Variants in CTBP2 observed in about 807,000 individuals in gnomAD.
CTBP2 encodes the protein C-terminal binding protein 2.
In CTBP2, 30 loss-of-function variants were observed where a neutral mutation model predicts 80.3. The observed-to-expected ratio is 0.37, with a 90% CI of 0.28 to 0.51. The LOEUF is 0.51. CTBP2 is among the 20% of genes least tolerant of loss of function. The pLI is 0.93. For missense variants in CTBP2, 1,212 were observed against 1,375.3 expected (o/e 0.88, Z 1.88); for synonymous variants, 594 against 587.4 (o/e 1.01, Z -0.16).
chr10:125,133,658 T>C (rs1412018981), intron 1 of CTBP2: 3 of 152,212 alleles, frequency 2.0e-5, no homozygotes, highest in African/African-American at 7.2e-5. Flanking sequence ...TAGAACGCAT[T>C]TGAACACAAC....
chr10:125,141,814 G>A (rs898424897), intron 1 of CTBP2, among the ~76,000 whole-genome samples: 1 of 152,192 alleles, frequency 6.6e-6, no homozygotes, highest in African/African-American at 2.4e-5. Flanking sequence ...AGTACACAGT[G>A]AGCACGCGGC....
At chr10:125,002,453 C>T (rs920431045) in intron 3 of CTBP2, among the ~76,000 whole-genome samples, 5 of 152,224 alleles carry the variant, frequency 3.3e-5, no homozygotes, top group Non-Finnish European at 7.3e-5. Context: ...CTGTGTTGGG[C>T]AGGGGCCCAC....
chr10:124,990,299 T>TAA (rs2134061437), intron 8 of CTBP2, among the ~76,000 whole-genome samples: 1 of 152,230 alleles, frequency 6.6e-6, no homozygotes, highest in East Asian at 1.9e-4. Context: ...CGCCTCAGCC[T>TAA]CCCAAAGTGC....
chr10:125,101,376 G>A (rs948720199), intron 2 of CTBP2, among the ~76,000 whole-genome samples: 7 of 152,256 alleles, frequency 4.6e-5, no homozygotes, highest in African/African-American at 7.2e-5. Context: ...GTAGAGACAT[G>A]TTCCCAGGGA....
intron 1 of CTBP2, among the ~76,000 whole-genome samples, chr10:125,017,511 C>A (rs1308166228): frequency 1.3e-5 from 2 of 152,222 alleles, no homozygotes; most frequent in East Asian, 3.8e-4. Context: ...CCTCCCTCAC[C>A]TTTTCCTACA....
chr10:124,993,084 T>G lies in CTBP2; in HGVS notation c.2659+118A>C, dbSNP rs113197376. On this transcript the variant is annotated intron_variant, in intron 7 of 8. Transcript: ENST00000309035. ...ATAAACAGGGCCCAACTCATATAAA[T>G]TTGATGCTAAAAGTGAATTCTACCT... The G allele has an allele frequency of 1.4e-5, 18 of 1,297,906 alleles. No individual in the cohort carries two copies. The African/African-American group carries it at 2.1e-4, about 15-fold the overall frequency. The allele number at this position is 1,297,906 out of a possible 1,614,324, so 80.4% of individuals were successfully genotyped here. A position where few individuals can be genotyped will look rare whatever the true frequency, so the allele number is the denominator to read the frequency against.
At chr10:125,022,305 G>A (rs915119528) in intron 1 of CTBP2, among the ~76,000 whole-genome samples, 5 of 152,362 alleles carry the variant, frequency 3.3e-5, no homozygotes, top group African/African-American at 9.6e-5. Flanking sequence ...GCTATACATA[G>A]TCACAGTTAA....
At chr10:125,096,211 GC>G (rs1054194515) in intron 2 of CTBP2, among the ~76,000 whole-genome samples, 5 of 152,184 alleles carry the variant, frequency 3.3e-5, no homozygotes, top group African/African-American at 1.2e-4. Flanking sequence ...CAATTATGTA[GC>G]CCCACTATTA....
chr10:125,003,041 C>G lies in CTBP2; in HGVS notation c.1897G>C (p.Glu633Gln). 2 of 1,614,100 alleles carry G rather than the reference C, an allele frequency of 1.2e-6. No homozygotes were observed. Among genetic ancestry groups the G allele is most frequent in the Non-Finnish European group, 8.5e-7 (1 of 1,180,012 alleles). The change falls in exon 3 of 9, where the codon GAG becomes CAG. Residue 633 changes from glutamate to glutamine, a missense_variant. Glu to Gln is a conservative substitution (Grantham distance 29, BLOSUM62 2). This residue lies in a region of CTBP2 where 335 missense variants were observed against 504.7 expected (regional missense o/e 0.66). Transcript: ENST00000309035. ...ATCACTCTCAGGGCCTTGAACTTCTCCAGGTCCTCCCTGGTGAGGGTGATG... is the reference window on the plus strand; with the variant it reads ...ATCACTCTCAGGGCCTTGAACTTCTGCAGGTCCTCCCTGGTGAGGGTGATG...
At chr10:124,994,807 C>T (rs889773775) in intron 4 of CTBP2, 124 bp from the exon 7 acceptor site, 24 of 983,152 alleles carry the variant, frequency 2.4e-5, no homozygotes, top group African/African-American at 1.6e-4. Context: ...CCAGAGAAAC[C>T]GTGTGCCCAA....
exon 1 of CTBP2, chr10:125,160,471 C>T (rs1832812734): frequency 6.8e-6 from 1 of 146,092 alleles, no homozygotes; most frequent in Non-Finnish European, 1.5e-5. Flanking sequence ...CCGGTTCGGT[C>T]CCTCGCTCCT....
intron 1 of CTBP2, among the ~76,000 whole-genome samples, chr10:125,139,576 G>A (rs1469340872): frequency 6.6e-6 from 1 of 151,922 alleles, no homozygotes; most frequent in Admixed American, 6.5e-5. Context: ...TTTGGACTCT[G>A]GGAGCTTCCA....
intron 1 of CTBP2, among the ~76,000 whole-genome samples, chr10:125,159,607 G>T (rs1035126826): frequency 6.0e-5 from 9 of 150,574 alleles, no homozygotes; most frequent in African/African-American, 2.2e-4. Context: ...TTTCACTTGC[G>T]CTCCCGGGGA....
At chr10:124,991,976 CT>C (rs1254623087) in intron 8 of CTBP2, among the ~76,000 whole-genome samples, 1 of 151,570 alleles carries the variant, frequency 6.6e-6, no homozygotes, top group East Asian at 1.9e-4. Flanking sequence ...GGGCTCCTGT[CT>C]TTCCCCCACT....
chr10:125,072,237 G>A (rs1324744480), intron 2 of CTBP2, among the ~76,000 whole-genome samples: 1 of 152,020 alleles, frequency 6.6e-6, no homozygotes, highest in Non-Finnish European at 1.5e-5. Context: ...CCAAGATGGC[G>A]CCACTGCACT....
intron 2 of CTBP2, among the ~76,000 whole-genome samples, chr10:125,069,817 T>TCCC (rs1845180275): frequency 1.3e-5 from 2 of 151,410 alleles, no homozygotes; most frequent in East Asian, 3.9e-4. Flanking sequence ...ACTCCCCAAC[T>TCCC]CCACCACCAT....
chr10:125,123,366 G>T (rs1276447247), intron 1 of CTBP2, among the ~76,000 whole-genome samples: 2 of 152,186 alleles, frequency 1.3e-5, no homozygotes, highest in African/African-American at 4.8e-5. Context: ...TTTCTCCGCT[G>T]TGTTGCTGTT....
intron 2 of CTBP2, among the ~76,000 whole-genome samples, chr10:125,083,040 G>A (rs557549434): frequency 1.6e-4 from 25 of 152,308 alleles, no homozygotes; most frequent in African/African-American, 6.0e-4. Context: ...AGCCAGCACA[G>A]GGTCCATCTC....
At chr10:125,052,476 T>C (rs1232342034) in intron 2 of CTBP2, among the ~76,000 whole-genome samples, 1 of 152,228 alleles carries the variant, frequency 6.6e-6, no homozygotes, top group Non-Finnish European at 1.5e-5. Context: ...TTAAGCTGTT[T>C]TCTGTGCTCC....
Sources: gnomAD v4.1 joint callset for allele counts (sites outside exome capture counted in the v4.1 genomes callset) on GRCh38, gnomAD v4.1.1 for gene constraint, gnomAD v4.1.1 regional missense constraint, MANE v1.5 for transcripts, NCBI Gene and HGNC (gene_info 2026-07-23, HGNC 2026-07-21) for gene names.